Variants in ASMT observed in about 807,000 individuals in gnomAD.
The protein encoded by ASMT is acetylserotonin O-methyltransferase, also known as acetylserotonin N-methyltransferase.
A neutral mutation model predicts 41.3 loss-of-function variants in ASMT; 53 were observed. The ratio of observed to expected loss-of-function variants is 1.28; its 90% CI spans 1.03 to 1.61. The LOEUF is 1.61. Ranked by LOEUF, ASMT falls within the 40% of genes most tolerant of loss-of-function variation. The probability of loss-of-function intolerance (pLI) is 0.00; values close to 1 mark genes in which losing one functional copy is unlikely to be tolerated. For synonymous variants in ASMT, 231 were observed against 184.8 expected (o/e 1.25, Z -2.03); for missense variants, 531 against 441.3 (o/e 1.20, Z -1.82).
intron 4 of ASMT, 55 bp downstream of exon 4, chrX:1,627,826 A>C (rs1250465437): frequency 6.5e-7 from 1 of 1,548,714 alleles, no homozygotes; most frequent in African/African-American, 1.4e-5. Context: ...TTTATTTTTA[A>C]AGGACTTAGG....
chrX:1,642,108 A>G (rs1336595757), intron 8 of ASMT, among the ~76,000 whole-genome samples: 10 of 137,354 alleles, frequency 7.3e-5, no homozygotes, highest in African/African-American at 2.7e-4. Flanking sequence ...TGTGTGTGTG[A>G]TGGGGACGGT....
At chrX:1,635,988 C>T (rs1184284873) in intron 7 of ASMT, among the ~76,000 whole-genome samples, 12 of 147,610 alleles carry the variant, frequency 8.1e-5, no homozygotes, top group Admixed American at 6.1e-4. Flanking sequence ...GAGACAGTCT[C>T]GCTGTCGCCC....
intron 5 of ASMT, among the ~76,000 whole-genome samples, chrX:1,631,099 A>G (rs1214610469): frequency 1.4e-4 from 20 of 147,556 alleles, no homozygotes; most frequent in Admixed American, 4.8e-4. Flanking sequence ...TTTTTTTAGT[A>G]GAGACGGGGT....
At position 1,633,299 on chromosome X, in the gene ASMT, G is replaced by C. The variant is rs779080045; in HGVS notation, c.787+9G>C. The C allele has an allele frequency of 2.5e-6, 4 of 1,613,764 alleles. No homozygotes were observed. The African/African-American group carries it at 5.3e-5, about 22-fold the overall frequency. On this transcript the variant is annotated intron_variant, in intron 7 of 8. Coordinates refer to ENST00000381241, the MANE Select transcript of ASMT (RefSeq NM_001171038.2). ...GATTGACTTCCAGGAAGGTGTGTTTGTGTCCGTGGGGAAGCAGAGATGTGT... is the reference window on the plus strand; with the variant it reads ...GATTGACTTCCAGGAAGGTGTGTTTCTGTCCGTGGGGAAGCAGAGATGTGT...
chrX:1,617,936 G>A (rs773232740), intron 1 of ASMT, among the ~76,000 whole-genome samples: 1 of 152,230 alleles, frequency 6.6e-6, no homozygotes, highest in Admixed American at 6.5e-5. Context: ...CACATCTTAG[G>A]AAGAGGTAGT....
At chrX:1,616,201 GTATTT>G (rs1252530261) in intron 1 of ASMT, among the ~76,000 whole-genome samples, 1 of 77,932 alleles carries the variant, frequency 1.3e-5, no homozygotes, top group Admixed American at 1.2e-4. Flanking sequence ...GCTAATTTTT[GTATTT>G]TTAGTAGAGA....
At chrX:1,633,015 A>G (rs780528417) in intron 6 of ASMT, 135 bp from the exon 7 acceptor site, 92 of 913,382 alleles carry the variant, frequency 1.0e-4, no homozygotes, top group Middle Eastern at 5.8e-4. Flanking sequence ...TATAATAAAA[A>G]GAAAAAAAAG....
chrX:1,616,582 T>C (rs1437995735), intron 1 of ASMT, among the ~76,000 whole-genome samples: 5 of 151,368 alleles, frequency 3.3e-5, no homozygotes, highest in African/African-American at 1.2e-4. Context: ...TGAAAAGGGT[T>C]AATGATGGCC....
At chrX:1,631,472 C>T (rs1238324227) in intron 5 of ASMT, among the ~76,000 whole-genome samples, 1 of 152,156 alleles carries the variant, frequency 6.6e-6, no homozygotes, top group Non-Finnish European at 1.5e-5. Context: ...CCTCCTGTGA[C>T]TCAGTGGATC....
intron 7 of ASMT, 196 bp from the exon 8 acceptor site, chrX:1,636,242 C>G: frequency 1.3e-6 from 1 of 791,220 alleles, no homozygotes; most frequent in Non-Finnish European, 2.2e-6. Flanking sequence ...CAGGCGTGAG[C>G]CACCGCGCCC....
intron 5 of ASMT, among the ~76,000 whole-genome samples, 162 bp from the exon 6 acceptor site, chrX:1,632,542 C>A (rs1934814954): frequency 1.3e-5 from 2 of 151,864 alleles, no homozygotes; most frequent in Non-Finnish European, 1.5e-5. Context: ...GTAGTCCCAG[C>A]TACTGGGGAG....
At chrX:1,630,395 T>C (rs1424714389) in intron 5 of ASMT, among the ~76,000 whole-genome samples, 1 of 141,826 alleles carries the variant, frequency 7.1e-6, no homozygotes, top group Non-Finnish European at 1.5e-5. Flanking sequence ...AACCTCCGCC[T>C]CCTGGGTTCA....
chrX:1,627,762 C>A lies in ASMT; in HGVS notation c.434C>A (p.Ala145Asp), dbSNP rs1441621958. Residue 145 changes from alanine (A) to aspartate (D), a missense_variant, in exon 4 of 9, where the codon GCC becomes GAC. Coordinates refer to ENST00000381241, the MANE Select transcript of ASMT (RefSeq NM_001171038.2). ...FGVPAEELFT[A>D]IYRSEGERLQ... is the part of the protein sequence containing the mutation. ...GTTCCCGCTGAAGAGCTTTTTACGG[C>A]CATCTACAGGTAACACCCATCACTT... 5.0e-6 allele frequency: 8 copies of A among 1,613,790 alleles called. No individual in the cohort carries two copies. The highest frequency in any genetic ancestry group is 6.8e-6 in the Non-Finnish European group (8 of 1,179,718).
chrX:1,630,206 T>C (rs1362583648), intron 5 of ASMT, among the ~76,000 whole-genome samples: 2 of 151,830 alleles, frequency 1.3e-5, no homozygotes, highest in Admixed American at 1.3e-4. Flanking sequence ...TGATCTCGGC[T>C]CACTGCAACC....
At chrX:1,633,347 T>C in intron 7 of ASMT, 57 bp downstream of exon 7, 2 of 1,606,956 alleles carry the variant, frequency 1.2e-6, no homozygotes, top group Non-Finnish European at 1.7e-6. Context: ...CCAGGGGGAC[T>C]GGATGTTTCT....
rs867145543 is a variant in ASMT, at chrX:1,640,536, A to G, written c.911-2267A>G. On this transcript the variant is annotated intron_variant, in intron 8 of 8. Transcript: ENST00000381241. ...GAGGACGTGGGCACAGCCTCTGTGT[A>G]TGATGGGGACAGTGTCCCAGTGTCC... Among the ~76,000 whole-genome samples the G allele has an allele frequency of 5.7e-3, 284 of 49,878 alleles. 1 individual carries two copies. The highest frequency in any genetic ancestry group is 7.5e-3 in the Non-Finnish European group (231 of 30,624). 32.7% of individuals were successfully genotyped at this position (49,878 alleles called of 152,430 possible).
Position 1,636,249 on chromosome X carries a change from G to A in ASMT, c.788-189G>A, listed in dbSNP as rs1183994157. 1.2e-5 allele frequency: 10 copies of A among 852,716 alleles called. 1 individual carries two copies. The Middle Eastern group carries it at 9.4e-4, about 80-fold the overall frequency. The allele number at this position is 852,716 out of a possible 1,614,324, so 52.8% of individuals were successfully genotyped here. On this transcript the variant is annotated intron_variant, in intron 7 of 8. Transcript: ENST00000381241. ...TAGGATTACAGGCGTGAGCCACCGC[G>A]CCCGACCTCAGTATTTTCTTATCTT...
intron 6 of ASMT, 124 bp downstream of exon 6, chrX:1,632,911 A>G (rs1459945729): frequency 6.6e-6 from 4 of 610,246 alleles, no homozygotes; most frequent in African/African-American, 1.8e-5. Context: ...ACCTAATGTA[A>G]ATGACGAGTC....
chrX:1,618,384 G>A (rs1184952295), intron 1 of ASMT, among the ~76,000 whole-genome samples: 2 of 152,092 alleles, frequency 1.3e-5, no homozygotes, highest in Non-Finnish European at 2.9e-5. Flanking sequence ...GGCTGGTGTC[G>A]AACTCCTGAC....
Sources: gnomAD v4.1 joint callset for allele counts (sites outside exome capture counted in the v4.1 genomes callset) on GRCh38, gnomAD v4.1.1 for gene constraint, MANE v1.5 for transcripts, NCBI Gene and HGNC (gene_info 2026-07-23, HGNC 2026-07-21) for gene names.